Variants in EIF1AX observed in about 807,000 individuals in gnomAD.
EIF1AX encodes the protein eukaryotic translation initiation factor 1A, X-chromosomal.
A neutral mutation model predicts 16.1 loss-of-function variants in EIF1AX; 1 was observed. That is an observed-to-expected ratio of 0.06 (90% CI 0.02 to 0.30). EIF1AX has a LOEUF of 0.30. Among genes scored for constraint, EIF1AX ranks in the 10% least tolerant of loss-of-function variants. EIF1AX has a pLI of 1.00. For synonymous variants in EIF1AX, 32 were observed against 37.3 expected (o/e 0.86, Z 0.51); for missense variants, 11 against 109.1 (o/e 0.10, Z 4.00).
At chrX:20,140,841 T>A (rs1006213214) in intron 1 of EIF1AX, among the ~76,000 whole-genome samples, 1 of 110,042 alleles carries the variant, frequency 9.1e-6, no homozygotes, top group Non-Finnish European at 1.9e-5. Flanking sequence ...AGTGTTCTGT[T>A]TTTTGTTTTT....
At chrX:20,128,491 GTTAC>G (rs1487821893) in intron 6 of EIF1AX, among the ~76,000 whole-genome samples, 180 bp from the exon 7 acceptor site, 2 of 112,016 alleles carry the variant, frequency 1.8e-5, no homozygotes, top group African/African-American at 6.5e-5. Flanking sequence ...CCTTTGTAAT[GTTAC>G]ATGTTATGCA....
chrX:20,136,335 T>C, intron 2 of EIF1AX: 3 of 356,869 alleles, frequency 8.4e-6, no homozygotes, highest in Non-Finnish European at 1.6e-5. Context: ...ATGCATCAGG[T>C]AGACCGGAAA....
intron 6 of EIF1AX, among the ~76,000 whole-genome samples, chrX:20,128,730 T>C (rs985120060): frequency 5.4e-5 from 6 of 111,482 alleles, no homozygotes; most frequent in African/African-American, 1.3e-4. Context: ...GAGCCAACTT[T>C]TACAAAATGT....
Position 20,124,827 on chromosome X carries a change from T to C in EIF1AX, c.*3479A>G, listed in dbSNP as rs1207328261. ...AAATTAAATGAGTTTGGTAGCAATTTCAAATACTATGTTGACATGAATGTA... is the reference window on the plus strand; with the variant it reads ...AAATTAAATGAGTTTGGTAGCAATTCCAAATACTATGTTGACATGAATGTA... On this transcript the variant is annotated 3_prime_UTR_variant, in exon 7 of 7. Transcript: ENST00000379607. 1 of 146,022 alleles carries C rather than the reference T, an allele frequency of 6.8e-6. No individual in the cohort carries two copies. The highest frequency in any genetic ancestry group is 8.6e-5 in the Admixed American group (1 of 11,613). 12.0% of individuals were successfully genotyped at this position (146,022 alleles called of 1,213,427 possible).
At chrX:20,128,389 CTT>C in intron 6 of EIF1AX, 78 bp from the exon 7 acceptor site, 1 of 851,520 alleles carries the variant, frequency 1.2e-6, no homozygotes, top group East Asian at 3.3e-5. Flanking sequence ...ATAAGGGAGA[CTT>C]TCACCTCCTT....
At chrX:20,136,042 A>ATTTCTTTC (rs201723073) in intron 2 of EIF1AX, 4 of 385,321 alleles carry the variant, frequency 1.0e-5, no homozygotes, top group African/African-American at 2.6e-5. Flanking sequence ...CTATGATGAC[A>ATTTCTTTC]TTTCTTTCTT....
Position 20,136,252 on chromosome X carries a change from A to C in EIF1AX, c.101-411T>G, listed in dbSNP as rs191356665. 1,427 of 350,645 alleles carry C rather than the reference A, an allele frequency of 4.1e-3. 4 individuals are homozygous for C. Among genetic ancestry groups the C allele is most frequent in the South Asian group, 9.7e-3 (376 of 38,612 alleles). The allele number at this position is 350,645 out of a possible 1,213,427, so 28.9% of individuals were successfully genotyped here. On this transcript the variant is annotated intron_variant, in intron 2 of 6. Transcript: ENST00000379607. ...GCGTGCACACACACACACACCCCCCACACACACACCAGACATATGCCCTTA... is the reference window on the plus strand; with the variant it reads ...GCGTGCACACACACACACACCCCCCCCACACACACCAGACATATGCCCTTA...
chrX:20,140,582 G>A (rs958855565), intron 1 of EIF1AX: 50 of 112,119 alleles, frequency 4.5e-4, no homozygotes, highest in African/African-American at 1.6e-3. Flanking sequence ...CAGCTACAAA[G>A]AGGAAATGTG....
At chrX:20,141,442 C>T (rs1486428440) in intron 1 of EIF1AX, among the ~76,000 whole-genome samples, 183 bp downstream of exon 1, 2 of 111,695 alleles carry the variant, frequency 1.8e-5, no homozygotes, top group African/African-American at 3.3e-5. Context: ...CCAAACTGGG[C>T]AACAGGAGTT....
chrX:20,135,175 A>T (rs1312718296), intron 3 of EIF1AX, among the ~76,000 whole-genome samples: 1 of 104,666 alleles, frequency 9.6e-6, no homozygotes, highest in Non-Finnish European at 1.9e-5. Context: ...GGCTGGGTAC[A>T]GTGGCTCATG....
intron 2 of EIF1AX, chrX:20,136,400 C>G (rs1474374888): frequency 3.4e-6 from 1 of 291,422 alleles, no homozygotes; most frequent in Non-Finnish European, 6.6e-6. Context: ...TCAGTAAAAG[C>G]AGATCTCAGA....
rs1429300613 is a variant in EIF1AX, at chrX:20,141,530, A to T, written c.16+95T>A. The T allele has an allele frequency of 5.9e-6, 6 of 1,019,559 alleles. No individual in the cohort carries two copies. The Admixed American group carries it at 1.9e-4, about 32-fold the overall frequency. 84.0% of individuals were successfully genotyped at this position (1,019,559 alleles called of 1,213,427 possible). A position where few individuals can be genotyped will look rare whatever the true frequency, so the allele number is the denominator to read the frequency against. ...CGGGCAGGCAGGGCGGGAAGGAAAA[A>T]GGGTCACTGCGGCCTGGGTGACCTG... is the stretch of plus-strand genomic sequence containing the variant. On this transcript the variant is annotated intron_variant, in intron 1 of 6. Transcript: ENST00000379607.
chrX:20,130,348 A>C (rs1201179498), intron 6 of EIF1AX, among the ~76,000 whole-genome samples, 168 bp downstream of exon 6: 1 of 108,332 alleles, frequency 9.2e-6, no homozygotes, highest in Non-Finnish European at 1.9e-5. Flanking sequence ...TCAAAATATA[A>C]ACAGTTTGAC....
chrX:20,133,943 C>T lies in EIF1AX; in HGVS notation c.255+14G>A. The T allele has an allele frequency of 8.5e-7, 1 of 1,170,775 alleles. No homozygotes were observed. Among genetic ancestry groups the T allele is most frequent in the Non-Finnish European group, 1.2e-6 (1 of 869,481 alleles). On this transcript the variant is annotated intron_variant, in intron 4 of 6. Coordinates refer to ENST00000379607, the MANE Select transcript of EIF1AX (RefSeq NM_001412.4). ...AAGCCAGTAAAATAGGAAAAATTTA[C>T]ATGTAAATTTTACCTGGTAGTCTCG...
Position 20,126,580 on chromosome X carries a change from T to C in EIF1AX, c.*1726A>G, listed in dbSNP as rs1259120861. 1 of 133,940 alleles carries C rather than the reference T, an allele frequency of 7.5e-6. No individual in the cohort carries two copies. The highest frequency in any genetic ancestry group is 3.3e-5 in the African/African-American group (1 of 30,458). 11.0% of individuals were successfully genotyped at this position (133,940 alleles called of 1,213,427 possible). ...TTCAAACATTCTTAGTAAAATAATA[T>C]GAAAGGATCTATATATACTGTAAAT... On this transcript the variant is annotated 3_prime_UTR_variant, in exon 7 of 7. Transcript: ENST00000379607.
intron 4 of EIF1AX, 36 bp from the exon 5 acceptor site, chrX:20,132,299 A>G (rs1053426903): frequency 4.6e-6 from 4 of 875,527 alleles, no homozygotes; most frequent in African/African-American, 4.0e-5. Flanking sequence ...AAAACTGATC[A>G]TAACAAAATA....
chrX:20,138,735 T>C, intron 1 of EIF1AX, 113 bp from the exon 2 acceptor site: 1 of 523,248 alleles, frequency 1.9e-6, no homozygotes, highest in Middle Eastern at 6.0e-4. Flanking sequence ...ATCACTTAAA[T>C]TAAAAAATTC....
chrX:20,125,644 A>G lies in EIF1AX; in HGVS notation c.*2662T>C, dbSNP rs950000238. 2 of 164,365 alleles carry G rather than the reference A, an allele frequency of 1.2e-5. No homozygotes were observed. Among genetic ancestry groups the G allele is most frequent in the South Asian group, 3.2e-4 (1 of 3,164 alleles). 13.5% of individuals were successfully genotyped at this position (164,365 alleles called of 1,213,427 possible). On this transcript the variant is annotated 3_prime_UTR_variant, in exon 7 of 7. Coordinates refer to ENST00000379607, the MANE Select transcript of EIF1AX (RefSeq NM_001412.4). Reference sequence around the variant, plus strand: ...TAAATCTAGCTATTTTACTCAAAACATGCTTTTACCTATTTGATTACTCAG... The same window carrying G: ...TAAATCTAGCTATTTTACTCAAAACGTGCTTTTACCTATTTGATTACTCAG...
chrX:20,129,514 C>T (rs1421408859), intron 6 of EIF1AX, among the ~76,000 whole-genome samples: 1 of 112,270 alleles, frequency 8.9e-6, no homozygotes, highest in African/African-American at 3.2e-5. Context: ...AAGAGTAACA[C>T]CCTAATCACT....
Sources: allele counts gnomAD v4.1 joint callset (sites outside exome capture counted in the v4.1 genomes callset), GRCh38; gene constraint gnomAD v4.1.1; transcripts MANE v1.5; gene names NCBI Gene and HGNC (gene_info 2026-07-23, HGNC 2026-07-21).